DNAJA4: variants seen among roughly 807,000 people sequenced by gnomAD.
DNAJA4 encodes the protein DnaJ heat shock protein family (Hsp40) member A4, also known as dnaJ homolog subfamily A member 4.
In DNAJA4, 32 loss-of-function variants were observed where a neutral mutation model predicts 39.7. The observed-to-expected ratio is 0.81, with a 90% CI of 0.61 to 1.08. The LOEUF (loss-of-function observed/expected upper bound fraction) is 1.08. DNAJA4 is among the 50% of genes least tolerant of loss of function. DNAJA4 has a pLI of 0.00. For missense variants in DNAJA4, 439 were observed against 505.1 expected (o/e 0.87, Z 1.25); for synonymous variants, 184 against 182.4 (o/e 1.01, Z -0.07).
At position 78,270,492 on chromosome 15, in the gene DNAJA4, T is replaced by G; in HGVS notation, c.133-5T>G. 6.2e-7 allele frequency: 1 copy of G among 1,604,836 alleles called. No homozygotes were observed. Among genetic ancestry groups the G allele is most frequent in the Non-Finnish European group, 8.5e-7 (1 of 1,176,760 alleles). ...TAAAAATCTCTCTCTCTCTCTCTTT[T>G]AAAGTTTAAACTCATATCCCAGGCA... On this transcript the variant is annotated splice_polypyrimidine_tract_variant and splice_region_variant and intron_variant, in intron 1 of 6. Transcript: ENST00000394852.
chr15:78,268,118 A>T (rs2049193809), intron 1 of DNAJA4, among the ~76,000 whole-genome samples: 1 of 152,200 alleles, frequency 6.6e-6, no homozygotes, highest in Admixed American at 6.5e-5. Flanking sequence ...TTCTTAGATC[A>T]TTCTATTAAG....
chr15:78,267,179 TG>T (rs1567115083), intron 1 of DNAJA4, among the ~76,000 whole-genome samples: 7 of 108,824 alleles, frequency 6.4e-5, no homozygotes, highest in East Asian at 6.8e-4. Flanking sequence ...TGTGAGTGTG[TG>T]AGTGTGTGTG....
intron 2 of DNAJA4, 45 bp from the exon 3 acceptor site, chr15:78,273,050 G>T (rs1247353466): frequency 8.3e-6 from 9 of 1,086,944 alleles, no homozygotes; most frequent in East Asian, 7.1e-5. Context: ...TAATACAATG[G>T]TATATTTCAT....
chr15:78,268,064 G>C (rs546272011), intron 1 of DNAJA4, among the ~76,000 whole-genome samples: 1 of 152,158 alleles, frequency 6.6e-6, no homozygotes, highest in East Asian at 1.9e-4. Flanking sequence ...TGTGAGATCT[G>C]GCCTCTGACT....
chr15:78,275,796 C>T (rs1189275525), intron 5 of DNAJA4, 68 bp downstream of exon 5: 2 of 1,147,426 alleles, frequency 1.7e-6, no homozygotes, highest in Admixed American at 2.3e-5. Flanking sequence ...GCAAGTTAGC[C>T]TGATTTTTTT....
chr15:78,273,303 C>T, intron 3 of DNAJA4, 104 bp downstream of exon 3: 1 of 758,670 alleles, frequency 1.3e-6, no homozygotes, highest in Non-Finnish European at 2.2e-6. Flanking sequence ...TTTTCAAATG[C>T]AAGGGTCAAG....
intron 2 of DNAJA4, among the ~76,000 whole-genome samples, chr15:78,272,884 C>G (rs552774281): frequency 6.6e-6 from 1 of 152,300 alleles, no homozygotes; most frequent in African/African-American, 2.4e-5. Context: ...TAGCTCATAG[C>G]TAGAGAGGGT....
chr15:78,270,208 G>A, intron 1 of DNAJA4: 1 of 275,488 alleles, frequency 3.6e-6, no homozygotes, highest in Non-Finnish European at 6.8e-6. Context: ...TCGACTTCCT[G>A]TCTGGTGCAG....
intron 1 of DNAJA4, among the ~76,000 whole-genome samples, chr15:78,269,747 C>T (rs914482013): frequency 1.3e-5 from 2 of 151,994 alleles, no homozygotes; most frequent in East Asian, 1.9e-4. Flanking sequence ...TCCAGGATCA[C>T]ACATTGTATT....
intron 2 of DNAJA4, 30 bp from the exon 3 acceptor site, chr15:78,273,065 C>A: frequency 7.9e-7 from 1 of 1,259,210 alleles, no homozygotes; most frequent in Non-Finnish European, 1.2e-6. Flanking sequence ...TTTCATTCAA[C>A]GCCACTAATT....
intron 1 of DNAJA4, among the ~76,000 whole-genome samples, chr15:78,269,149 A>G (rs1412831638): frequency 6.6e-6 from 1 of 152,174 alleles, no homozygotes; most frequent in Non-Finnish European, 1.5e-5. Flanking sequence ...GGGCTTATAG[A>G]TGAAAGTTAG....
chr15:78,279,780 A>G lies in DNAJA4; in HGVS notation c.878-265A>G. 1.9e-6 allele frequency: 1 copy of G among 526,182 alleles called. No individual in the cohort carries two copies. The highest frequency in any genetic ancestry group is 3.4e-6 in the Non-Finnish European group (1 of 296,478). 32.6% of individuals were successfully genotyped at this position (526,182 alleles called of 1,614,324 possible). ...CTTCTAGTTCACTTGTTTTAAACCT[A>G]CCTGTGATGGCAGCTGCACCATGCT... is the stretch of plus-strand genomic sequence containing the variant. On this transcript the variant is annotated intron_variant, in intron 5 of 6. Transcript: ENST00000394852. This position sits in a 1 kb window ranked among gnomAD's most constrained non-coding sequence, Gnocchi z 4.5.
chr15:78,267,919 G>C (rs958559582), intron 1 of DNAJA4, among the ~76,000 whole-genome samples: 3 of 152,118 alleles, frequency 2.0e-5, no homozygotes, highest in African/African-American at 7.2e-5. Flanking sequence ...AATGATCATG[G>C]TCTGAAAGGC....
intron 5 of DNAJA4, among the ~76,000 whole-genome samples, chr15:78,277,636 G>A (rs901444074): frequency 1.3e-4 from 20 of 152,130 alleles, no homozygotes; most frequent in African/African-American, 4.8e-4. Flanking sequence ...CCTGAGCCGG[G>A]GCTGGGAAGC....
chr15:78,271,391 C>A (rs2049291232), intron 2 of DNAJA4, among the ~76,000 whole-genome samples: 1 of 152,072 alleles, frequency 6.6e-6, no homozygotes, highest in Non-Finnish European at 1.5e-5. Flanking sequence ...TTGTGGCCCT[C>A]CATGTTCCCT....
chr15:78,276,111 C>T (rs1191724959), intron 5 of DNAJA4, among the ~76,000 whole-genome samples: 1 of 152,106 alleles, frequency 6.6e-6, no homozygotes, highest in Non-Finnish European at 1.5e-5. Context: ...AATCTTGGGG[C>T]TCTGAATTTT....
chr15:78,269,615 AC>A (rs1200591584), intron 1 of DNAJA4, among the ~76,000 whole-genome samples: 11 of 152,162 alleles, frequency 7.2e-5, no homozygotes, highest in African/African-American at 2.7e-4. Flanking sequence ...CTTGTACATA[AC>A]CATAGTAAAG....
Position 78,264,848 on chromosome 15 carries a change from C to A in DNAJA4, c.85C>A (p.Leu29Met), listed in dbSNP as rs775946776. The A allele has an allele frequency of 1.2e-6, 2 of 1,609,500 alleles. No homozygotes were observed. The highest frequency in any genetic ancestry group is 3.3e-5 in the Admixed American group (2 of 59,726). The change falls in exon 1 of 7, where the codon CTG becomes ATG. Residue 29 changes from leucine (L) to methionine (M), a missense_variant. Physicochemically the swap from Leu to Met is conservative, Grantham distance 15. Transcript: ENST00000394852. ...PEEIKKAYRKLALKYHPDKNP... is the reference protein window; with the variant it reads ...PEEIKKAYRKMALKYHPDKNP... Reference sequence around the variant, plus strand: ...GGAGATCAAGAAGGCCTATCGGAAGCTGGCGCTCAAGTACCACCCGGACAA... The same window carrying A: ...GGAGATCAAGAAGGCCTATCGGAAGATGGCGCTCAAGTACCACCCGGACAA...
Position 78,267,188 on chromosome 15 carries a change from G to A in DNAJA4, c.132+2293G>A, listed in dbSNP as rs113038940. The stretch of plus-strand genomic sequence containing the variant: ...TGAGTGTGTGAGTGTGTGAGTGTGT[G>A]TGTGAGTGTGTATGTGAGTGTGTAT... On this transcript the variant is annotated intron_variant, in intron 1 of 6. Transcript: ENST00000394852. Among the ~76,000 whole-genome samples the A allele has an allele frequency of 2.9e-4, 31 of 106,790 alleles. 1 individual carries two copies. The highest frequency in any genetic ancestry group is 1.4e-3 in the East Asian group (4 of 2,796). The allele number at this position is 106,790 out of a possible 152,430, so 70.1% of individuals were successfully genotyped here. A position where few individuals can be genotyped will look rare whatever the true frequency, so the allele number is the denominator to read the frequency against.
Sources: gnomAD v4.1 joint callset for allele counts (sites outside exome capture counted in the v4.1 genomes callset) on GRCh38, gnomAD v4.1.1 for gene constraint, Gnocchi (gnomAD v3.1) non-coding constraint, MANE v1.5 for transcripts, NCBI Gene and HGNC (gene_info 2026-07-23, HGNC 2026-07-21) for gene names.